Variants in PIWIL1 observed in about 807,000 individuals in gnomAD.
The protein encoded by PIWIL1 is piwi like RNA-mediated gene silencing 1, also known as piwi-like protein 1.
In PIWIL1, 73 loss-of-function variants were observed where a neutral mutation model predicts 114.4. The ratio of observed to expected loss-of-function variants is 0.64; its 90% CI spans 0.53 to 0.78. The LOEUF (loss-of-function observed/expected upper bound fraction) is 0.78. Ranked by LOEUF, PIWIL1 falls within the 30% of genes least tolerant of loss-of-function variation. The probability of loss-of-function intolerance (pLI) is 0.00; values close to 1 mark genes in which losing one functional copy is unlikely to be tolerated. For missense variants in PIWIL1, 723 were observed against 1,063.1 expected, an observed-to-expected ratio of 0.68 and a Z score of 4.45; for synonymous variants, 375 against 369.0, an observed-to-expected ratio of 1.02 and a Z score of -0.19.
chr12:130,369,817 T>G (rs2073771369), intron 19 of PIWIL1, among the ~76,000 whole-genome samples: 1 of 152,232 alleles, frequency 6.6e-6, no homozygotes, highest in Non-Finnish European at 1.5e-5. Context: ...TGCAAAAATT[T>G]TCTCCCATTC....
At chr12:130,391,789 C>T in the PIWIL1 span, among the ~76,000 whole-genome samples, 2 of 23,354 alleles carry the variant, frequency 8.6e-5, no homozygotes, top group Non-Finnish European at 2.4e-4. Flanking sequence ...AGGCCACCTG[C>T]GACACCCATG....
At chr12:130,404,520 G>A in the PIWIL1 span, among the ~76,000 whole-genome samples, 5 of 152,096 alleles carry the variant, frequency 3.3e-5, no homozygotes, top group African/African-American at 9.7e-5. Context: ...GGCTGATATC[G>A]AATGCCTGAC....
rs530224596 is a variant in PIWIL1, at chr12:130,356,125, A to G, written c.1404+458A>G. ...TGGGTTGATATTTTGACTGCCACTA[A>G]AATGATGGAAAATCCCTGATTTGAT... On this transcript the variant is annotated intron_variant, in intron 12 of 20. Transcript: ENST00000245255. Among the ~76,000 whole-genome samples the G allele has an allele frequency of 2.9e-3, 436 of 152,096 alleles. 8 individuals carry two copies. The highest frequency in any genetic ancestry group is 1.1e-3 in the Non-Finnish European group (76 of 68,004).
Position 130,354,929 on chromosome 12 carries a change from G to A in PIWIL1, c.1213G>A (p.Asp405Asn). Residue 405 changes from aspartate (D) to asparagine (N), a missense_variant, in exon 11 of 21, where the codon GAC becomes AAC. Asp to Asn is a conservative substitution (Grantham distance 23, BLOSUM62 1). Coordinates refer to ENST00000245255, the MANE Select transcript of PIWIL1 (RefSeq NM_004764.5). ...KMRNDFNVMK[D>N]LAVHTRLTPE... ...GCGTAATGATTTTAACGTGATGAAA[G>A]ACTTAGCCGTTCATACAAGACTAAC... 1 of 1,613,816 alleles carries A rather than the reference G, an allele frequency of 6.2e-7. No individual in the cohort carries two copies. The highest frequency in any genetic ancestry group is 2.2e-5 in the East Asian group (1 of 44,894).
At chr12:130,399,140 G>A in the PIWIL1 span, 5 of 1,398,462 alleles carry the variant, frequency 3.6e-6, no homozygotes, top group Non-Finnish European at 4.7e-6. Flanking sequence ...CCTGATTAAG[G>A]TGTGAAATGA....
At chr12:130,370,522 T>C (rs1316649187) in intron 19 of PIWIL1, among the ~76,000 whole-genome samples, 1 of 152,196 alleles carries the variant, frequency 6.6e-6, no homozygotes, top group Non-Finnish European at 1.5e-5. Flanking sequence ...TCATTTTATA[T>C]TAGGGACCTG....
rs1337180124 is a variant in PIWIL1, at chr12:130,349,954, A to G, written c.1031A>G (p.Glu344Gly). 1.9e-6 allele frequency: 3 copies of G among 1,601,420 alleles called. No individual in the cohort carries two copies. Among genetic ancestry groups the G allele is most frequent in the African/African-American group, 2.7e-5 (2 of 74,666 alleles). The change falls in exon 9 of 21, where the codon GAA becomes GGA. Residue 344 changes from glutamate (E) to glycine (G), a missense_variant. Transcript: ENST00000245255. ...GACGGCTCTGAAGTCAGCTTCTTAG[A>G]ATACTACAGGAAGGTAAGATGCCAG... ...KADGSEVSFL[E>G]YYRKQYNQEI...
chr12:130,423,452 G>C, the PIWIL1 span, among the ~76,000 whole-genome samples: 1 of 152,172 alleles, frequency 6.6e-6, no homozygotes. Context: ...CAATGAAAAG[G>C]TCAGCATGAC....
the PIWIL1 span, among the ~76,000 whole-genome samples, chr12:130,392,371 A>G: frequency 6.6e-6 from 1 of 151,850 alleles, no homozygotes; most frequent in African/African-American, 2.4e-5. Flanking sequence ...GGTCACCGTC[A>G]TCACATGTGT....
the PIWIL1 span, among the ~76,000 whole-genome samples, chr12:130,411,862 A>T: frequency 6.6e-6 from 1 of 151,522 alleles, no homozygotes; most frequent in African/African-American, 2.4e-5. Context: ...TTATCCTTAA[A>T]ATTATGTATA....
At chr12:130,348,382 T>C (rs767326704) in intron 7 of PIWIL1, among the ~76,000 whole-genome samples, 199 bp downstream of exon 7, 19 of 152,200 alleles carry the variant, frequency 1.2e-4, no homozygotes, top group Non-Finnish European at 2.2e-4. Flanking sequence ...TACCTGTCAC[T>C]AGGGAAGAAT....
chr12:130,342,961 G>C, intron 2 of PIWIL1, 29 bp from the exon 3 acceptor site: 1 of 1,556,020 alleles, frequency 6.4e-7, no homozygotes, highest in Non-Finnish European at 8.9e-7. Flanking sequence ...TTGACGAAAA[G>C]AATGTTCTTT....
chr12:130,423,265 T>A, the PIWIL1 span, among the ~76,000 whole-genome samples: 2 of 151,682 alleles, frequency 1.3e-5, no homozygotes, highest in East Asian at 3.9e-4. Flanking sequence ...GGGAAGGGAG[T>A]CCGGGGATGA....
At chr12:130,412,588 C>T in the PIWIL1 span, 1 of 1,600,042 alleles carries the variant, frequency 6.2e-7, no homozygotes. Context: ...ATAAAATGCA[C>T]AGGGAAGGTC....
chr12:130,366,876 T>G (rs2073674326), intron 18 of PIWIL1, among the ~76,000 whole-genome samples: 1 of 152,212 alleles, frequency 6.6e-6, no homozygotes, highest in Non-Finnish European at 1.5e-5. Context: ...GTATGTAATG[T>G]GTTTGGTCTA....
the PIWIL1 span, among the ~76,000 whole-genome samples, chr12:130,406,957 C>T: frequency 6.6e-6 from 1 of 152,212 alleles, no homozygotes; most frequent in East Asian, 1.9e-4. Flanking sequence ...TCTCTTTATT[C>T]AGTGTCTACG....
At chr12:130,393,654 G>A in the PIWIL1 span, among the ~76,000 whole-genome samples, 1 of 150,752 alleles carries the variant, frequency 6.6e-6, no homozygotes, top group Non-Finnish European at 1.5e-5. Flanking sequence ...ACCGGTATTG[G>A]ATTTTTTTGT....
the PIWIL1 span, among the ~76,000 whole-genome samples, chr12:130,413,950 T>C: frequency 2.0e-5 from 3 of 152,222 alleles, no homozygotes; most frequent in East Asian, 5.8e-4. Flanking sequence ...AGAAGGCACT[T>C]TGCAGAGGGC....
chr12:130,423,680 A>T, the PIWIL1 span, among the ~76,000 whole-genome samples: 1 of 134,992 alleles, frequency 7.4e-6, no homozygotes, highest in African/African-American at 2.8e-5. Flanking sequence ...AAAAAAATAG[A>T]TTTCTTCAAT....
Sources: allele counts gnomAD v4.1 joint callset (sites outside exome capture counted in the v4.1 genomes callset), GRCh38; gene constraint gnomAD v4.1.1; transcripts MANE v1.5; gene names NCBI Gene and HGNC (gene_info 2026-07-23, HGNC 2026-07-21).